Variants in MAPK8IP3 observed in about 807,000 individuals in gnomAD.
MAPK8IP3 encodes the protein mitogen-activated protein kinase 8 interacting protein 3, also known as C-Jun-amino-terminal kinase-interacting protein 3.
Under a neutral mutation model 157.8 loss-of-function variants are expected in MAPK8IP3, and 49 were observed. That is an observed-to-expected ratio of 0.31 (90% CI 0.25 to 0.39). The LOEUF is 0.39. Among genes scored for constraint, MAPK8IP3 ranks in the 10% least tolerant of loss-of-function variants. MAPK8IP3 has a pLI of 1.00. For missense variants in MAPK8IP3, 1,478 were observed against 1,889.4 expected (o/e 0.78, Z 4.04); for synonymous variants, 897 against 777.7 (o/e 1.15, Z -2.55).
intron 1 of MAPK8IP3, among the ~76,000 whole-genome samples, chr16:1,723,445 C>T (rs1052233128): frequency 2.6e-5 from 4 of 152,112 alleles, no homozygotes; most frequent in African/African-American, 4.8e-5. Flanking sequence ...CCACTGTGCC[C>T]GGCCTCTACA....
In MAPK8IP3 at chr16:1,766,007, G is replaced by A. The variant is rs749169712; in HGVS notation, c.2494G>A (p.Asp832Asn). 2.4e-5 allele frequency: 39 copies of A among 1,612,666 alleles called. No homozygotes were observed. Among genetic ancestry groups the A allele is most frequent in the East Asian group, 6.7e-5 (3 of 44,890 alleles). Residue 832 changes from aspartate (D) to asparagine (N), a missense_variant, in exon 21 of 32, where the codon GAC (aspartate) becomes AAC (asparagine). Physicochemically the swap from Asp to Asn is conservative, Grantham distance 23. This residue lies in a region of MAPK8IP3 where 669 missense variants were observed against 759.8 expected (regional missense o/e 0.88). Transcript: ENST00000610761. ...TCCCGGGGAGATGTTCCTGGACAGCGACGTGAACCCAGAGGACCCGGGCGC... is the reference window on the plus strand; with the variant it reads ...TCCCGGGGAGATGTTCCTGGACAGCAACGTGAACCCAGAGGACCCGGGCGC... ...YPPGEMFLDS[D>N]VNPEDPGADG...
intron 4 of MAPK8IP3, among the ~76,000 whole-genome samples, chr16:1,737,209 C>T (rs1167390332): frequency 1.5e-5 from 1 of 67,254 alleles, no homozygotes; most frequent in Non-Finnish European, 2.7e-5. Context: ...TGTGACCATC[C>T]GTGAGAGTGT....
intron 8 of MAPK8IP3, among the ~76,000 whole-genome samples, chr16:1,755,184 G>A (rs2041524523): frequency 6.6e-6 from 1 of 152,186 alleles, no homozygotes; most frequent in East Asian, 1.9e-4. Flanking sequence ...AGACAGACCT[G>A]GAGCCATGGG....
At position 1,747,029 on chromosome 16, in the gene MAPK8IP3, T is replaced by C. The variant is rs779760646; in HGVS notation, c.748T>C (p.Cys250Arg). ...GQLQSSSSYQ[C>R]PQDEMSESGQ... ...CCCTCCTCCCTGTGTTTGGCCTTAGTGTCCACAGGATGAAATGTCCGAGTC... is the reference window on the plus strand; with the variant it reads ...CCCTCCTCCCTGTGTTTGGCCTTAGCGTCCACAGGATGAAATGTCCGAGTC... The change falls in exon 6 of 32, where the codon TGT becomes CGT. Residue 250 changes from cysteine (C) to arginine (R), a missense_variant and splice_region_variant. By Grantham distance (180) the Cys-to-Arg change is radical. Coordinates refer to ENST00000610761, the MANE Select transcript of MAPK8IP3 (RefSeq NM_001318852.2). 1 of 1,613,376 alleles carries C rather than the reference T, an allele frequency of 6.2e-7. No individual in the cohort carries two copies. The highest frequency in any genetic ancestry group is 8.5e-7 in the Non-Finnish European group (1 of 1,179,716).
intron 16 of MAPK8IP3, 147 bp downstream of exon 16, chr16:1,763,153 G>A (rs949630083): frequency 9.7e-7 from 1 of 1,029,152 alleles, no homozygotes; most frequent in Non-Finnish European, 1.4e-6. Context: ...ACCTCTCCCT[G>A]CACACTGCCT....
chr16:1,708,246 G>A (rs891474801), intron 1 of MAPK8IP3, among the ~76,000 whole-genome samples: 10 of 152,198 alleles, frequency 6.6e-5, no homozygotes, highest in Non-Finnish European at 4.4e-5. Flanking sequence ...ACCCGACACC[G>A]GCCTGGGCAC....
chr16:1,765,222 TTTA>T (rs1334476180), intron 20 of MAPK8IP3, 44 bp downstream of exon 20: 2 of 1,552,508 alleles, frequency 1.3e-6, no homozygotes, highest in Admixed American at 3.5e-5. Context: ...GCCACTCCCT[TTTA>T]CTAGCAAGCT....
intron 1 of MAPK8IP3, among the ~76,000 whole-genome samples, chr16:1,722,641 G>A (rs1321839334): frequency 3.3e-5 from 5 of 151,886 alleles, no homozygotes; most frequent in Non-Finnish European, 7.4e-5. Context: ...GAGGTGGGAG[G>A]ATCGCTTGAG....
chr16:1,735,848 C>T (rs555074148), intron 4 of MAPK8IP3, among the ~76,000 whole-genome samples: 10 of 134,840 alleles, frequency 7.4e-5, no homozygotes, highest in Non-Finnish European at 1.2e-4. Flanking sequence ...CGTGACCGCC[C>T]GTGTGAGCAT....
Position 1,715,412 on chromosome 16 carries a change from T to C in MAPK8IP3, c.318+8755T>C, listed in dbSNP as rs1596546307. ...CAATTGTGGGAAATGGAAAGAGCTCTGACTGCCCCCTGCCAGCCCAGGGTA... is the reference window on the plus strand; with the variant it reads ...CAATTGTGGGAAATGGAAAGAGCTCCGACTGCCCCCTGCCAGCCCAGGGTA... On this transcript the variant is annotated intron_variant, in intron 1 of 31. Coordinates refer to ENST00000610761, the MANE Select transcript of MAPK8IP3 (RefSeq NM_001318852.2). 3.9e-5 allele frequency among the ~76,000 whole-genome samples: 6 copies of C among 152,176 alleles called. No homozygotes were observed. In the South Asian group the frequency reaches 1.2e-3, roughly 31 times the overall value.
intron 4 of MAPK8IP3, among the ~76,000 whole-genome samples, chr16:1,737,177 C>T (rs1234045048): frequency 9.8e-5 from 7 of 71,692 alleles, no homozygotes; most frequent in Admixed American, 3.7e-4. Context: ...TCCGTGTGAG[C>T]GTGTGACCGT....
At chr16:1,736,702 G>GCGTCCGTGTGAGCGTGTGAC (rs1596636126) in intron 4 of MAPK8IP3, among the ~76,000 whole-genome samples, 8 of 79,928 alleles carry the variant, frequency 1.0e-4, no homozygotes, top group Non-Finnish European at 1.5e-4. Flanking sequence ...GACCGTGTGA[G>GCGTCCGTGTGAGCGTGTGAC]CGTCCGTGTG....
chr16:1,745,884 C>T (rs77259211), intron 5 of MAPK8IP3: 3,776 of 152,380 alleles, frequency 0.025, 148 homozygotes, highest in African/African-American at 0.082. Flanking sequence ...CTGAGTCTGG[C>T]GGTGACCAGA....
chr16:1,719,846 A>G (rs1262745667), intron 1 of MAPK8IP3, among the ~76,000 whole-genome samples: 1 of 152,078 alleles, frequency 6.6e-6, no homozygotes, highest in East Asian at 1.9e-4. Context: ...TAAAAGAAAA[A>G]AAGCCTCAAA....
chr16:1,729,369 C>A, intron 3 of MAPK8IP3, 118 bp from the exon 4 acceptor site: 1 of 1,263,524 alleles, frequency 7.9e-7, no homozygotes, highest in Non-Finnish European at 1.1e-6. Context: ...TTAGATTCCC[C>A]TCCAGGACGC....
intron 1 of MAPK8IP3, among the ~76,000 whole-genome samples, chr16:1,711,958 GAAAA>G (rs1160371868): frequency 1.6e-5 from 2 of 122,060 alleles, no homozygotes; most frequent in Non-Finnish European, 3.5e-5. Flanking sequence ...AAAAAAAAAA[GAAAA>G]AAAAAGAAAA....
intron 1 of MAPK8IP3, among the ~76,000 whole-genome samples, chr16:1,715,606 G>A (rs1184411760): frequency 6.6e-6 from 1 of 152,142 alleles, no homozygotes; most frequent in East Asian, 1.9e-4. Context: ...GAAATAAATT[G>A]ATCGGTATTG....
intron 2 of MAPK8IP3, among the ~76,000 whole-genome samples, chr16:1,726,142 G>A (rs2038863301): frequency 6.6e-6 from 1 of 152,234 alleles, no homozygotes; most frequent in Admixed American, 6.5e-5. Flanking sequence ...AAAGGCTGCT[G>A]TGCTGACAAT....
intron 1 of MAPK8IP3, among the ~76,000 whole-genome samples, chr16:1,721,080 G>A (rs1011916794): frequency 2.6e-5 from 4 of 151,744 alleles, no homozygotes; most frequent in Admixed American, 6.6e-5. Flanking sequence ...GCTCATGCCT[G>A]TAATCCCAGC....
Sources: allele counts gnomAD v4.1 joint callset (sites outside exome capture counted in the v4.1 genomes callset), GRCh38; gene constraint gnomAD v4.1.1; regional missense constraint gnomAD v4.1.1; transcripts MANE v1.5; gene names NCBI Gene and HGNC (gene_info 2026-07-23, HGNC 2026-07-21).